The following WDR81 variants were observed in gnomAD, a reference collection of about 807,000 sequenced individuals.
The protein encoded by WDR81 is WD repeat-containing protein 81.
WDR81 carries 92 observed loss-of-function variants against 140.8 expected under a neutral mutation model. The observed-to-expected ratio is 0.65, with a 90% CI of 0.55 to 0.78. The LOEUF is 0.78. WDR81 is among the 30% of genes least tolerant of loss of function. The pLI is 0.00. For missense variants in WDR81, 2,502 were observed against 2,636.4 expected, an observed-to-expected ratio of 0.95 and a Z score of 1.12; for synonymous variants, 1,183 against 1,156.4, an observed-to-expected ratio of 1.02 and a Z score of -0.47.
chr17:1,734,394 C>T (rs1163014885), intron 7 of WDR81, among the ~76,000 whole-genome samples, 178 bp downstream of exon 7: 8 of 152,228 alleles, frequency 5.3e-5, no homozygotes, highest in Admixed American at 1.3e-4. Context: ...TTGGCTCCAC[C>T]GGCTTACTTG....
rs1410008239 is a variant in WDR81, at chr17:1,738,184, G to A, written c.*499G>A. On this transcript the variant is annotated 3_prime_UTR_variant, in exon 10 of 10. Coordinates refer to ENST00000409644, the MANE Select transcript of WDR81 (RefSeq NM_001163809.2). ...GCTGGCCGTGGTCCAGGAGTTAAGGGCTTGGGTCTGGGGTTTAAGTGGCCA... is the reference window on the plus strand; with the variant it reads ...GCTGGCCGTGGTCCAGGAGTTAAGGACTTGGGTCTGGGGTTTAAGTGGCCA... 4 of 170,282 alleles carry A rather than the reference G, an allele frequency of 2.3e-5. No individual in the cohort carries two copies. The highest frequency in any genetic ancestry group is 2.4e-5 in the African/African-American group (1 of 41,982). The allele number at this position is 170,282 out of a possible 1,614,324, so 10.5% of individuals were successfully genotyped here.
chr17:1,735,720 CAG>C lies in WDR81; in HGVS notation c.5325+4_5325+5del. On this transcript the variant is annotated splice_donor_5th_base_variant and intron_variant, in intron 8 of 9. Transcript: ENST00000409644. The surrounding 1 kb of genome is among the most constrained non-coding windows in gnomAD (Gnocchi z 4.2). ...ACTGCAGGAAGCCTGGTCTGCAGGT[CAG>C]GGGGGTCCAGTTCCCTGAGCACTCG... The C allele has an allele frequency of 6.2e-7, 1 of 1,609,362 alleles. No individual in the cohort carries two copies. The highest frequency in any genetic ancestry group is 1.1e-5 in the South Asian group (1 of 90,766).
chr17:1,722,250 A>G (rs62090040), upstream of WDR81, among the ~76,000 whole-genome samples: 36,947 of 152,016 alleles, frequency 0.24, 5,428 homozygotes, highest in East Asian at 0.51. Context: ...ACTGCCCAGG[A>G]TCATATGACC....
Position 1,738,057 on chromosome 17 carries a change from G to C in WDR81, c.*372G>C. 6.2e-6 allele frequency: 2 copies of C among 320,606 alleles called. No individual in the cohort carries two copies. The highest frequency in any genetic ancestry group is 4.8e-5 in the Admixed American group (1 of 21,016). The allele number at this position is 320,606 out of a possible 1,614,324, so 19.9% of individuals were successfully genotyped here. ...ACTGGCCCTGCCCAGCCGGTCTCTA[G>C]CCCCTCAGCCCCCGCTGGGCACTCT... On this transcript the variant is annotated 3_prime_UTR_variant, in exon 10 of 10. Coordinates refer to ENST00000409644, the MANE Select transcript of WDR81 (RefSeq NM_001163809.2).
chr17:1,733,184 G>A (rs1044790410), intron 6 of WDR81, among the ~76,000 whole-genome samples: 2 of 152,156 alleles, frequency 1.3e-5, no homozygotes, highest in Non-Finnish European at 2.9e-5. Flanking sequence ...TCGTTTCAGC[G>A]TGTCATCTCC....
Position 1,730,367 on chromosome 17 carries a change from T to C in WDR81, c.3668-13T>C, listed in dbSNP as rs1228868090. 6.2e-7 allele frequency: 1 copy of C among 1,607,038 alleles called. No individual in the cohort carries two copies. The highest frequency in any genetic ancestry group is 1.7e-5 in the Admixed American group (1 of 59,658). On this transcript the variant is annotated splice_polypyrimidine_tract_variant and intron_variant, in intron 1 of 9. Coordinates refer to ENST00000409644, the MANE Select transcript of WDR81 (RefSeq NM_001163809.2). ...GTTATCTGAGGAGCTCAGGGCCTGC[T>C]CCCACCCCGCAGATACAGCCTGCAA... is the stretch of plus-strand genomic sequence containing the variant.
upstream of WDR81, among the ~76,000 whole-genome samples, chr17:1,722,449 C>T (rs543249841): frequency 1.0e-3 from 156 of 150,068 alleles, 2 homozygotes; most frequent in Middle Eastern, 0.014. Context: ...TGGGTTCAAG[C>T]GATTCTCCTG....
Position 1,727,469 on chromosome 17 carries a change from CAG to C in WDR81, c.2515_2516del (p.Arg839GlyfsTer8). ...AGTGGCCCCGAAGTCCCCATGGGAG[CAG>C]AGAGGGGCAAGCTGGACCAACTGTT... On this transcript the variant is annotated frameshift_variant, in exon 1 of 10. Transcript: ENST00000409644. LOFTEE classifies it high-confidence loss of function. The C allele has an allele frequency of 6.4e-7, 1 of 1,550,410 alleles. No homozygotes were observed. Among genetic ancestry groups the C allele is most frequent in the Non-Finnish European group, 8.7e-7 (1 of 1,146,986 alleles).
chr17:1,721,105 T>G (rs992387780), upstream of WDR81, among the ~76,000 whole-genome samples: 1 of 152,170 alleles, frequency 6.6e-6, no homozygotes, highest in Non-Finnish European at 1.5e-5. Context: ...AGCACTACCT[T>G]CTAACCATCA....
chr17:1,732,962 AT>A, intron 6 of WDR81, 131 bp downstream of exon 6: 1 of 1,223,602 alleles, frequency 8.2e-7, no homozygotes, highest in East Asian at 2.6e-5. Context: ...GAGCAAAGGG[AT>A]TTGGCCTCAG....
In WDR81 at chr17:1,737,934, A is replaced by C. The variant is rs879486744; in HGVS notation, c.*249A>C. On this transcript the variant is annotated 3_prime_UTR_variant, in exon 10 of 10. Coordinates refer to ENST00000409644, the MANE Select transcript of WDR81 (RefSeq NM_001163809.2). ...GGACACAGGGCTCCTAGCAAGCAGG[A>C]AGTTAAGAGCAGGAGGAAGCGTTGC... 3.4e-6 allele frequency: 2 copies of C among 586,042 alleles called. No homozygotes were observed. Among genetic ancestry groups the C allele is most frequent in the South Asian group, 2.2e-5 (1 of 46,508 alleles). The allele number at this position is 586,042 out of a possible 1,614,324, so 36.3% of individuals were successfully genotyped here.
At chr17:1,722,866 T>A (rs755067165), upstream of WDR81, among the ~76,000 whole-genome samples, 12 of 151,924 alleles carry the variant, frequency 7.9e-5, no homozygotes, top group Non-Finnish European at 1.8e-4. Flanking sequence ...CTAATTTTTT[T>A]GTGTTTTTAG....
rs886540540 is a variant in WDR81 at position 1,725,785 on chromosome 17, C to T, written c.826C>T (p.Arg276Cys). 3.5e-5 allele frequency: 54 copies of T among 1,550,532 alleles called. No homozygotes were observed. The highest frequency in any genetic ancestry group is 4.7e-5 in the Non-Finnish European group (54 of 1,147,024). The change falls in exon 1 of 10, where the codon CGC becomes TGC. Residue 276 changes from arginine (R) to cysteine (C), a missense_variant. Transcript: ENST00000409644. ...RVLRAMDACHRQGLACGALSL... is the reference protein window; with the variant it reads ...RVLRAMDACHCQGLACGALSL... ...GCTGAGGGCTATGGACGCCTGTCAC[C>T]GCCAGGGGCTGGCGTGTGGGGCCCT...
In WDR81 at chr17:1,733,688, C is replaced by G; in HGVS notation, c.4651C>G (p.Gln1551Glu). The change falls in exon 7 of 10, where the codon CAG (glutamine) becomes GAG (glutamate). Residue 1551 changes from glutamine (Q) to glutamate (E), a missense_variant. Gln to Glu is a conservative substitution (Grantham distance 29, BLOSUM62 2). Around this residue, in one of 3 missense-constraint regions of WDR81, gnomAD observed 1,737 missense variants for 1,843.0 expected, o/e 0.94. Coordinates refer to ENST00000409644, the MANE Select transcript of WDR81 (RefSeq NM_001163809.2). ...EWDPHGGGCP[Q>E]DDGHSGTFGS... ...GGACCCCCATGGTGGGGGCTGCCCT[C>G]AGGATGACGGCCACTCAGGGACCTT... 1 of 1,612,144 alleles carries G rather than the reference C, an allele frequency of 6.2e-7. No individual in the cohort carries two copies. The highest frequency in any genetic ancestry group is 8.5e-7 in the Non-Finnish European group (1 of 1,179,592).
upstream of WDR81, among the ~76,000 whole-genome samples, chr17:1,720,925 T>C (rs1914830365): frequency 6.6e-6 from 1 of 151,566 alleles, no homozygotes; most frequent in Non-Finnish European, 1.5e-5. Flanking sequence ...TTTCAAGAGG[T>C]AAAATTAGGT....
intron 2 of WDR81, 68 bp from the exon 3 acceptor site, chr17:1,730,687 G>A: frequency 6.6e-7 from 1 of 1,525,448 alleles, no homozygotes; most frequent in Non-Finnish European, 8.8e-7. Flanking sequence ...GGCCAGCACA[G>A]CCCTGCAGGG....
chr17:1,735,922 C>A lies in WDR81; in HGVS notation c.5326-117C>A. ...GTGGGGTTCTGGGCTTTTCATGCCCCCTGATGAGGGTCAGAGGCTCAGGCC... is the reference window on the plus strand; with the variant it reads ...GTGGGGTTCTGGGCTTTTCATGCCCACTGATGAGGGTCAGAGGCTCAGGCC... On this transcript the variant is annotated intron_variant, in intron 8 of 9. Transcript: ENST00000409644. The surrounding 1 kb of genome is among the most constrained non-coding windows in gnomAD (Gnocchi z 4.2). 1 of 1,441,536 alleles carries A rather than the reference C, an allele frequency of 6.9e-7. No homozygotes were observed. Among genetic ancestry groups the A allele is most frequent in the South Asian group, 1.4e-5 (1 of 72,622 alleles). 89.3% of individuals were successfully genotyped at this position (1,441,536 alleles called of 1,614,324 possible). A position where few individuals can be genotyped will look rare whatever the true frequency, so the allele number is the denominator to read the frequency against.
chr17:1,737,281 G>A lies in WDR81; in HGVS notation c.5506-84G>A. On this transcript the variant is annotated intron_variant, in intron 9 of 9. Coordinates refer to ENST00000409644, the MANE Select transcript of WDR81 (RefSeq NM_001163809.2). ...CGGCCTGTCTCCCTGGAGAGAAACT[G>A]CGGAGGGAACTGGGAAGGCCTTGGG... is the stretch of plus-strand genomic sequence containing the variant. 2.9e-6 allele frequency: 4 copies of A among 1,374,278 alleles called. No homozygotes were observed. The South Asian group carries it at 4.4e-5, about 15-fold the overall frequency. The allele number at this position is 1,374,278 out of a possible 1,614,324, so 85.1% of individuals were successfully genotyped here.
In WDR81 at chr17:1,727,691, C is replaced by T. The variant is rs1365235685; in HGVS notation, c.2732C>T (p.Ala911Val). Residue 911 changes from alanine (A) to valine (V), a missense_variant, in exon 1 of 10, where the codon GCG becomes GTG. Ala to Val is a moderately conservative substitution (Grantham distance 64). Transcript: ENST00000409644. ...TTTGCTCTGTGGCAGCAGCTGGGCG[C>T]GGTGCTGAAGGACATCACCCCTGAG... Reference protein sequence around the residue: ...LVFALWQQLGAVLKDITPEGL... With the variant: ...LVFALWQQLGVVLKDITPEGL... 20 of 1,550,372 alleles carry T rather than the reference C, an allele frequency of 1.3e-5. No individual in the cohort carries two copies. Among genetic ancestry groups the T allele is most frequent in the African/African-American group, 1.1e-4 (8 of 73,052 alleles).
Sources: allele counts gnomAD v4.1 joint callset (sites outside exome capture counted in the v4.1 genomes callset), GRCh38; gene constraint gnomAD v4.1.1; regional missense constraint gnomAD v4.1.1; non-coding constraint Gnocchi (gnomAD v3.1); transcripts MANE v1.5; gene names NCBI Gene and HGNC (gene_info 2026-07-23, HGNC 2026-07-21).